The following RERE variants were observed in gnomAD, a reference collection of about 807,000 sequenced individuals.
RERE encodes the protein arginine-glutamic acid dipeptide repeats.
RERE carries 40 observed loss-of-function variants against 146.1 expected under a neutral mutation model. The ratio of observed to expected loss-of-function variants is 0.27; its 90% CI spans 0.21 to 0.36. The LOEUF (loss-of-function observed/expected upper bound fraction) is 0.36, where lower values mean the gene tolerates loss of function less well. Ranked by LOEUF, RERE falls within the 10% of genes least tolerant of loss-of-function variation. The probability of loss-of-function intolerance (pLI) is 1.00; values close to 1 mark genes in which losing one functional copy is unlikely to be tolerated. For missense variants in RERE, 1,933 were observed against 2,138.7 expected (o/e 0.90, Z 1.90); for synonymous variants, 1,003 against 866.0 (o/e 1.16, Z -2.78).
intron 2 of RERE, among the ~76,000 whole-genome samples, chr1:8,630,023 A>G (rs1647016576): frequency 6.6e-6 from 1 of 152,148 alleles, no homozygotes; most frequent in East Asian, 1.9e-4. Context: ...TTTCTCCTCT[A>G]CATGACTCCT....
At chr1:8,771,988 C>T (rs763124077) in intron 1 of RERE, among the ~76,000 whole-genome samples, 6 of 149,888 alleles carry the variant, frequency 4.0e-5, no homozygotes, top group East Asian at 3.9e-4. Context: ...CTGCTGCAAA[C>T]GCTGTTTAGG....
chr1:8,653,746 A>G (rs866816628), intron 2 of RERE, among the ~76,000 whole-genome samples: 259 of 151,212 alleles, frequency 1.7e-3, no homozygotes, highest in African/African-American at 6.1e-3. Context: ...CTTTCCCATG[A>G]TTTAGATGTG....
intron 6 of RERE, among the ~76,000 whole-genome samples, chr1:8,549,603 G>T (rs1292846302): frequency 6.6e-6 from 1 of 152,176 alleles, no homozygotes; most frequent in Non-Finnish European, 1.5e-5. Context: ...TAAAATCACT[G>T]GGTGAAAATT....
intron 12 of RERE, among the ~76,000 whole-genome samples, chr1:8,383,365 C>T (rs1052502400): frequency 6.6e-5 from 10 of 151,384 alleles, no homozygotes; most frequent in Non-Finnish European, 1.0e-4. Context: ...GGAATAAAAA[C>T]GAAACCAAGA....
At chr1:8,758,757 T>C (rs1344089984) in intron 1 of RERE, among the ~76,000 whole-genome samples, 1 of 151,746 alleles carries the variant, frequency 6.6e-6, no homozygotes, top group Non-Finnish European at 1.5e-5. Flanking sequence ...TGAGGAGGAA[T>C]AAGTTCAAGA....
chr1:8,360,481 T>C lies in RERE; in HGVS notation c.3026A>G (p.Gln1009Arg). ...SSPAQPPGLT[Q>R]SQNLPPPPAS... ...AGGGGGCGGGGGCAGGTTCTGGCTCTGGGTCAGCCCGGGGGGCTGGGCGGG... is the reference window on the plus strand; with the variant it reads ...AGGGGGCGGGGGCAGGTTCTGGCTCCGGGTCAGCCCGGGGGGCTGGGCGGG... Residue 1009 changes from glutamine to arginine, a missense_variant, in exon 18 of 23, where the codon CAG (glutamine) becomes CGG (arginine). Gln to Arg is a conservative substitution (Grantham distance 43). This residue lies in a region of RERE where 1,255 missense variants were observed against 1,153.8 expected (regional missense o/e 1.09). Transcript: ENST00000400908. 8.8e-7 allele frequency: 1 copy of C among 1,131,388 alleles called. No homozygotes were observed. The highest frequency in any genetic ancestry group is 1.1e-6 in the Non-Finnish European group (1 of 876,256). 70.1% of individuals were successfully genotyped at this position (1,131,388 alleles called of 1,614,324 possible).
rs1643829600 is a variant in RERE at position 8,418,193 on chromosome 1, T to A, written c.1284+4534A>T. Among the ~76,000 whole-genome samples the A allele has an allele frequency of 3.3e-5, 5 of 152,326 alleles. No homozygotes were observed. In the South Asian group the frequency reaches 1.0e-3, roughly 32 times the overall value. ...GTGGGCACCCAGAACTTTAAAAAATTGAACTATACACAAAATTTAGTTCTG... is the reference window on the plus strand; with the variant it reads ...GTGGGCACCCAGAACTTTAAAAAATAGAACTATACACAAAATTTAGTTCTG... On this transcript the variant is annotated intron_variant, in intron 12 of 22. Coordinates refer to ENST00000400908, the MANE Select transcript of RERE (RefSeq NM_001042681.2).
chr1:8,756,084 T>C (rs1000621362), intron 1 of RERE, among the ~76,000 whole-genome samples: 50 of 152,194 alleles, frequency 3.3e-4, no homozygotes, highest in African/African-American at 1.1e-3. Flanking sequence ...TGTTTGAGCC[T>C]AGAAGTTCAA....
At chr1:8,640,858 G>A (rs1378308976) in intron 2 of RERE, among the ~76,000 whole-genome samples, 1 of 152,168 alleles carries the variant, frequency 6.6e-6, no homozygotes, top group Non-Finnish European at 1.5e-5. Context: ...TAAGGAAGGA[G>A]TAAAATAGTG....
intron 12 of RERE, among the ~76,000 whole-genome samples, chr1:8,400,769 T>C (rs1643220230): frequency 7.4e-6 from 1 of 134,466 alleles, no homozygotes; most frequent in Admixed American, 8.8e-5. Context: ...TTTGGGAGGC[T>C]GAGGCAAGAG....
At chr1:8,362,915 C>T (rs551802858) in intron 15 of RERE, 71 bp from the exon 16 acceptor site, 1 of 1,538,798 alleles carries the variant, frequency 6.5e-7, no homozygotes, top group African/African-American at 1.4e-5. Flanking sequence ...GAGCCCAACC[C>T]ACAGGCAGAA....
intron 1 of RERE, among the ~76,000 whole-genome samples, chr1:8,743,594 A>G (rs1200701363): frequency 6.6e-6 from 1 of 151,846 alleles, no homozygotes; most frequent in African/African-American, 2.4e-5. Context: ...TTTTATTCCA[A>G]CTGATATATA....
chr1:8,737,538 T>C (rs943121141), intron 1 of RERE, among the ~76,000 whole-genome samples: 1 of 152,164 alleles, frequency 6.6e-6, no homozygotes, highest in Non-Finnish European at 1.5e-5. Context: ...AGAACTCACA[T>C]GACCCAGAAA....
chr1:8,637,284 A>G (rs1234685177), intron 2 of RERE, among the ~76,000 whole-genome samples: 2 of 152,172 alleles, frequency 1.3e-5, no homozygotes, highest in Non-Finnish European at 1.5e-5. Flanking sequence ...AGGTTGCACA[A>G]GTAGGAATAA....
intron 1 of RERE, among the ~76,000 whole-genome samples, chr1:8,656,915 A>C (rs1365795448): frequency 6.6e-6 from 1 of 152,170 alleles, no homozygotes; most frequent in Non-Finnish European, 1.5e-5. Context: ...GGAGTTCAAG[A>C]CCAACCCTGG....
intron 8 of RERE, among the ~76,000 whole-genome samples, chr1:8,500,485 T>G (rs1645117511): frequency 6.6e-6 from 1 of 152,240 alleles, no homozygotes; most frequent in Non-Finnish European, 1.5e-5. Flanking sequence ...GTGCTGGGAT[T>G]GCAGACGGAG....
chr1:8,664,065 C>G (rs1382595645), intron 1 of RERE, among the ~76,000 whole-genome samples: 1 of 152,190 alleles, frequency 6.6e-6, no homozygotes, highest in Non-Finnish European at 1.5e-5. Context: ...ACATCACTTC[C>G]CCACTAACTG....
intron 1 of RERE, among the ~76,000 whole-genome samples, chr1:8,747,774 G>A (rs1640450808): frequency 6.6e-6 from 1 of 151,894 alleles, no homozygotes; most frequent in Admixed American, 6.6e-5. Context: ...AAGATAATAA[G>A]AGAGTAGGTA....
chr1:8,525,926 C>T (rs1645564687), intron 7 of RERE: 2 of 1,385,714 alleles, frequency 1.4e-6, no homozygotes, highest in South Asian at 1.7e-5. Context: ...TGAGCTTGTG[C>T]TATGACCTAA....
Sources: allele counts gnomAD v4.1 joint callset (sites outside exome capture counted in the v4.1 genomes callset), GRCh38; gene constraint gnomAD v4.1.1; regional missense constraint gnomAD v4.1.1; transcripts MANE v1.5; gene names NCBI Gene and HGNC (gene_info 2026-07-23, HGNC 2026-07-21).